The following ZNF441 variants were observed in gnomAD, a reference collection of about 807,000 sequenced individuals.
ZNF441 encodes zinc finger protein 441.
In ZNF441, 25 loss-of-function variants were observed where a neutral mutation model predicts 64.5. That is an observed-to-expected ratio of 0.39 (90% CI 0.28 to 0.54). ZNF441 has a LOEUF of 0.54. ZNF441 is among the 20% of genes least tolerant of loss of function. ZNF441 has a pLI of 0.70. For missense variants in ZNF441, 715 were observed against 843.3 expected (o/e 0.85, Z 1.88); for synonymous variants, 262 against 268.0 (o/e 0.98, Z 0.22).
rs772215722 is a variant in ZNF441, at chr19:11,780,887, A to G, written c.1063A>G (p.Met355Val). ...FSDCTGFRRH[M>V]ITHTGDGPHK... ...TGATTGCACAGGTTTTCGAAGACAC[A>G]TGATAACGCACACTGGAGATGGACC... is the stretch of plus-strand genomic sequence containing the variant. The change falls in exon 4 of 4, where the codon ATG (methionine) becomes GTG (valine). Residue 355 changes from methionine (M) to valine (V), a missense_variant. Around this residue, in one of 2 missense-constraint regions of ZNF441, gnomAD observed 316 missense variants for 429.3 expected, o/e 0.74. Transcript: ENST00000357901. 1.2e-6 allele frequency: 2 copies of G among 1,614,190 alleles called. No individual in the cohort carries two copies. Among genetic ancestry groups the G allele is most frequent in the East Asian group, 2.2e-5 (1 of 44,866 alleles).
Position 11,780,495 on chromosome 19 carries a change from A to G in ZNF441, c.671A>G (p.Tyr224Cys). Residue 224 changes from tyrosine to cysteine, a missense_variant, in exon 4 of 4, where the codon TAT (tyrosine) becomes TGT (cysteine). Physicochemically the swap from Tyr to Cys is radical, Grantham distance 194. Transcript: ENST00000357901. ...LRRTHTEEKP[Y>C]EYEQCSTAFP... is the part of the protein sequence containing the mutation. Reference sequence around the variant, plus strand: ...AGAACTCACACTGAAGAGAAACCATATGAATATGAGCAGTGTTCTACAGCG... The same window carrying G: ...AGAACTCACACTGAAGAGAAACCATGTGAATATGAGCAGTGTTCTACAGCG... 6.2e-7 allele frequency: 1 copy of G among 1,614,162 alleles called. No individual in the cohort carries two copies. The highest frequency in any genetic ancestry group is 8.5e-7 in the Non-Finnish European group (1 of 1,180,028).
intron 1 of ZNF441, among the ~76,000 whole-genome samples, chr19:11,771,156 G>A (rs1975310590): frequency 1.3e-5 from 2 of 151,650 alleles, no homozygotes; most frequent in South Asian, 4.2e-4. Context: ...TCAATAAAAT[G>A]AATAAGCCCA....
rs1042765398 is a variant in ZNF441 at position 11,783,708 on chromosome 19, G to A, written c.*1802G>A. The stretch of plus-strand genomic sequence containing the variant: ...CACATGTTCTCACTTATATGTGGGA[G>A]GTGAAAAACTTCACCTCATGGAGAT... On this transcript the variant is annotated 3_prime_UTR_variant, in exon 4 of 4. Coordinates refer to ENST00000357901, the MANE Select transcript of ZNF441 (RefSeq NM_152355.3). The A allele has an allele frequency of 6.6e-6, 1 of 152,120 alleles. No homozygotes were observed. Among genetic ancestry groups the A allele is most frequent in the Non-Finnish European group, 1.5e-5 (1 of 68,020 alleles). 9.4% of individuals were successfully genotyped at this position (152,120 alleles called of 1,614,324 possible).
chr19:11,768,885 A>C (rs994312836), intron 1 of ZNF441, among the ~76,000 whole-genome samples: 1 of 152,252 alleles, frequency 6.6e-6, no homozygotes. Context: ...TGAAGGGAGA[A>C]AACTATCCCT....
rs777240758 is a variant in ZNF441 at position 11,780,590 on chromosome 19, C to G, written c.766C>G (p.Gln256Glu). 1 of 1,614,128 alleles carries G rather than the reference C, an allele frequency of 6.2e-7. No homozygotes were observed. The highest frequency in any genetic ancestry group is 8.5e-7 in the Non-Finnish European group (1 of 1,180,014). Residue 256 changes from glutamine (Q) to glutamate (E), a missense_variant, in exon 4 of 4, where the codon CAA becomes GAA. This residue lies in a region of ZNF441 where 399 missense variants were observed against 413.9 expected (regional missense o/e 0.96). Transcript: ENST00000357901. ...TGGAGAGAAACCCTATCAATGTAAA[C>G]AATGTGGGAAAGCCTTCAGTTGTTC... ...HSGEKPYQCK[Q>E]CGKAFSCSCY...
chr19:11,776,797 CAG>C (rs1442737727), intron 1 of ZNF441, among the ~76,000 whole-genome samples: 1 of 150,178 alleles, frequency 6.7e-6, no homozygotes, highest in African/African-American at 2.4e-5. Flanking sequence ...ACACAGTGAC[CAG>C]AGTGTTTTTT....
intron 3 of ZNF441, 146 bp from the exon 4 acceptor site, chr19:11,779,873 T>C (rs1206141734): frequency 8.5e-6 from 6 of 704,682 alleles, no homozygotes; most frequent in Non-Finnish European, 1.1e-5. Context: ...ATCACACCAC[T>C]ACACTCCAGC....
At position 11,781,813 on chromosome 19, in the gene ZNF441, G is replaced by A; in HGVS notation, c.1989G>A (p.Arg663=). ...HCPSAFHKHE[R]THSMEKPYKC... is the part of the protein sequence containing the mutation. ...CCAGTGCCTTTCATAAACATGAAAG[G>A]ACCCACAGTATGGAGAAACCCTATA... is the stretch of plus-strand genomic sequence containing the variant. The change falls in exon 4 of 4, where the codon AGG becomes AGA. Residue 663 remains arginine (R), a synonymous_variant. Coordinates refer to ENST00000357901, the MANE Select transcript of ZNF441 (RefSeq NM_152355.3). The A allele has an allele frequency of 6.2e-7, 1 of 1,613,982 alleles. No homozygotes were observed. Among genetic ancestry groups the A allele is most frequent in the Non-Finnish European group, 8.5e-7 (1 of 1,179,934 alleles).
rs186357568 is a variant in ZNF441, at chr19:11,782,706, T to A, written c.*800T>A. 6.6e-6 allele frequency: 1 copy of A among 152,334 alleles called. No individual in the cohort carries two copies. Among genetic ancestry groups the A allele is most frequent in the East Asian group, 1.9e-4 (1 of 5,190 alleles). The allele number at this position is 152,334 out of a possible 1,614,324, so 9.4% of individuals were successfully genotyped here. On this transcript the variant is annotated 3_prime_UTR_variant, in exon 4 of 4. Transcript: ENST00000357901. ...AAATATTATAGGAAGCTGTTCCTTC[T>A]TTTTCTTTACATCACCAAACCTTCC...
At chr19:11,773,727 C>T (rs971928568) in intron 1 of ZNF441, among the ~76,000 whole-genome samples, 8 of 151,950 alleles carry the variant, frequency 5.3e-5, no homozygotes, top group African/African-American at 1.9e-4. Flanking sequence ...ATTTTTTTGA[C>T]CTAAAATCTT....
At chr19:11,777,555 C>T in intron 1 of ZNF441, 56 bp from the exon 2 acceptor site, 1 of 1,566,592 alleles carries the variant, frequency 6.4e-7, no homozygotes, top group Admixed American at 1.9e-5. Flanking sequence ...AGTGAATTTA[C>T]ATTCCCAGTG....
intron 1 of ZNF441, among the ~76,000 whole-genome samples, chr19:11,770,571 T>TTTTG (rs1208963130): frequency 2.0e-5 from 3 of 152,154 alleles, no homozygotes; most frequent in East Asian, 1.9e-4. Flanking sequence ...TCTTGGGACT[T>TTTTG]TTTGTTTGTT....
intron 1 of ZNF441, among the ~76,000 whole-genome samples, chr19:11,775,816 C>T (rs1041735171): frequency 6.6e-6 from 1 of 151,596 alleles, no homozygotes; most frequent in East Asian, 1.9e-4. Context: ...TTAGTAGAGA[C>T]GGGGTTTCGA....
rs1975385021 is a variant in ZNF441, at chr19:11,779,929, A to G, written c.195-90A>G. 5.9e-6 allele frequency: 7 copies of G among 1,183,980 alleles called. 1 individual carries two copies. The Admixed American group carries it at 1.4e-4, about 24-fold the overall frequency. The allele number at this position is 1,183,980 out of a possible 1,614,324, so 73.3% of individuals were successfully genotyped here. A position where few individuals can be genotyped will look rare whatever the true frequency, so the allele number is the denominator to read the frequency against. ...CTGTCTCAGAAAAAAAAAAGAAAAG[A>G]AAGAAAGAAAAGAAATGTAAATCCA... On this transcript the variant is annotated intron_variant, in intron 3 of 3. Transcript: ENST00000357901.
chr19:11,770,781 G>T (rs954649002), intron 1 of ZNF441, among the ~76,000 whole-genome samples: 1 of 152,022 alleles, frequency 6.6e-6, no homozygotes, highest in African/African-American at 2.4e-5. Context: ...TAGAGATGGG[G>T]TTTCACCATG....
In ZNF441 at chr19:11,781,417, T is replaced by C; in HGVS notation, c.1593T>C (p.Tyr531=). ...GAATTCACACTGGGGAGAGACCCTA[T>C]AAGTGTAAACTATGTGGGAAAGGCT... is the stretch of plus-strand genomic sequence containing the variant. The part of the protein sequence containing the change: ...HERIHTGERP[Y]KCKLCGKGFR... The change falls in exon 4 of 4, where the codon TAT becomes TAC. Residue 531 remains tyrosine, a synonymous_variant. Transcript: ENST00000357901. 1.2e-6 allele frequency: 2 copies of C among 1,614,034 alleles called. No individual in the cohort carries two copies. The highest frequency in any genetic ancestry group is 1.7e-6 in the Non-Finnish European group (2 of 1,179,990).
chr19:11,778,181 T>C (rs1975369536), intron 2 of ZNF441, 149 bp from the exon 3 acceptor site: 1 of 599,070 alleles, frequency 1.7e-6, no homozygotes, highest in Non-Finnish European at 2.9e-6. Context: ...AATTCATATG[T>C]AAGTAGACCT....
chr19:11,781,118 A>T lies in ZNF441; in HGVS notation c.1294A>T (p.Thr432Ser), dbSNP rs1975398697. 1.2e-6 allele frequency: 2 copies of T among 1,613,866 alleles called. No homozygotes were observed. The highest frequency in any genetic ancestry group is 1.1e-5 in the South Asian group (1 of 91,076). The change falls in exon 4 of 4, where the codon ACT becomes TCT. Residue 432 changes from threonine to serine, a missense_variant. By Grantham distance (58) the Thr-to-Ser change is moderately conservative. This residue lies in a region of ZNF441 where 316 missense variants were observed against 429.3 expected (regional missense o/e 0.74). Transcript: ENST00000357901. ...ATGTGGAAAAGCCTTCATTTGTTGC[A>T]CTTACCTTCAAATACATGAAAGAAT... ...KQCGKAFICC[T>S]YLQIHERIHT...
intron 3 of ZNF441, among the ~76,000 whole-genome samples, chr19:11,779,366 T>C (rs900105358): frequency 6.8e-6 from 1 of 146,842 alleles, no homozygotes; most frequent in Middle Eastern, 3.7e-3. Flanking sequence ...CTGGGTATGG[T>C]GGCTCACCCT....
Sources: gnomAD v4.1 joint callset for allele counts (sites outside exome capture counted in the v4.1 genomes callset) on GRCh38, gnomAD v4.1.1 for gene constraint, gnomAD v4.1.1 regional missense constraint, MANE v1.5 for transcripts, NCBI Gene and HGNC (gene_info 2026-07-23, HGNC 2026-07-21) for gene names.